The following IRX2 variants were observed in gnomAD, a reference collection of about 807,000 sequenced individuals.
IRX2 encodes the protein iroquois homeobox 2.
In IRX2, 26 loss-of-function variants were observed where a neutral mutation model predicts 42.9. That is an observed-to-expected ratio of 0.61 (90% CI 0.44 to 0.84). The LOEUF (loss-of-function observed/expected upper bound fraction) is 0.84, where lower values mean the gene tolerates loss of function less well. Ranked by LOEUF, IRX2 falls within the 40% of genes least tolerant of loss-of-function variation. The pLI, the probability that IRX2 is intolerant of heterozygous loss-of-function variation, is 0.00. For synonymous variants in IRX2, 424 were observed against 353.9 expected, an observed-to-expected ratio of 1.20 and a Z score of -2.22; for missense variants, 782 against 713.9, an observed-to-expected ratio of 1.10 and a Z score of -1.09.
Position 2,751,179 on chromosome 5 carries a change from A to T in IRX2, c.235T>A (p.Phe79Ile). Residue 79 changes from phenylalanine (F) to isoleucine (I), a missense_variant, in exon 1 of 4, where the codon TTC (phenylalanine) becomes ATC (isoleucine). Physicochemically the swap from Phe to Ile is conservative, Grantham distance 21. Transcript: ENST00000302057. The surrounding 1 kb of genome is among the most constrained non-coding windows in gnomAD (Gnocchi z 4.0). Reference protein sequence around the residue: ...SADAAAAAAGFPSYMGAPYDA... With the variant: ...SADAAAAAAGIPSYMGAPYDA... ...CGCCCGGTTACCATGTAGGACGGGA[A>T]GCCGGCGGCGGCGGCGGCGGCGTCG... is the stretch of plus-strand genomic sequence containing the variant. 1 of 1,267,622 alleles carries T rather than the reference A, an allele frequency of 7.9e-7. No individual in the cohort carries two copies. Among genetic ancestry groups the T allele is most frequent in the Non-Finnish European group, 9.9e-7 (1 of 1,008,540 alleles). 78.5% of individuals were successfully genotyped at this position (1,267,622 alleles called of 1,614,324 possible).
downstream of IRX2, among the ~76,000 whole-genome samples, chr5:2,742,821 G>C (rs1219273246): frequency 1.3e-5 from 2 of 151,918 alleles, no homozygotes; most frequent in Admixed American, 1.3e-4. Flanking sequence ...TTTCCAAATT[G>C]ATGTCTGTTT....
chr5:2,750,160 C>T (rs1406930056), intron 1 of IRX2, among the ~76,000 whole-genome samples: 2 of 152,096 alleles, frequency 1.3e-5, no homozygotes, highest in African/African-American at 2.4e-5. Context: ...GGCTGCCTCC[C>T]CCTACTCCCT....
At chr5:2,737,054 G>T in the IRX2 span, 10 of 152,214 alleles carry the variant, frequency 6.6e-5, no homozygotes, top group African/African-American at 2.2e-4. Flanking sequence ...ACAGCATGCG[G>T]TGGTGGTCTG....
downstream of IRX2, among the ~76,000 whole-genome samples, chr5:2,743,456 G>A (rs1560946197): frequency 6.6e-6 from 1 of 151,904 alleles, no homozygotes; most frequent in East Asian, 1.9e-4. Context: ...CGCGAATTCC[G>A]ATAAATCAGC....
At chr5:2,741,596 A>C (rs1737540451), downstream of IRX2, among the ~76,000 whole-genome samples, 1 of 152,230 alleles carries the variant, frequency 6.6e-6, no homozygotes, top group East Asian at 1.9e-4. Context: ...TCCCTAAAAT[A>C]ACCCAAGGTA....
rs1312092001 is a variant in IRX2 at position 2,751,128 on chromosome 5, C to A, written c.249+37G>T. ...CGCCTGAGCCCCGTCTGGGTCCCGG[C>A]GCCCAGGAGTCCCGCGTCCCGCCCG... On this transcript the variant is annotated intron_variant, in intron 1 of 3. Transcript: ENST00000302057. This position sits in a 1 kb window ranked among gnomAD's most constrained non-coding sequence, Gnocchi z 4.0. 2 of 1,218,482 alleles carry A rather than the reference C, an allele frequency of 1.6e-6. No homozygotes were observed. The highest frequency in any genetic ancestry group is 1.6e-5 in the African/African-American group (1 of 63,034). 75.5% of individuals were successfully genotyped at this position (1,218,482 alleles called of 1,614,324 possible). A position where few individuals can be genotyped will look rare whatever the true frequency, so the allele number is the denominator to read the frequency against.
the IRX2 span, among the ~76,000 whole-genome samples, chr5:2,739,958 G>A: frequency 1.3e-5 from 2 of 152,284 alleles, no homozygotes; most frequent in Non-Finnish European, 2.9e-5. Context: ...ACCAGAGCTG[G>A]GGGTGCCAGG....
chr5:2,736,462 T>C, the IRX2 span, among the ~76,000 whole-genome samples: 2 of 152,268 alleles, frequency 1.3e-5, no homozygotes. Flanking sequence ...GTCTTTAAAT[T>C]TTAATAGAAA....
At chr5:2,741,120 G>C (rs1455197032), downstream of IRX2, among the ~76,000 whole-genome samples, 2 of 152,254 alleles carry the variant, frequency 1.3e-5, no homozygotes, top group Admixed American at 1.3e-4. Context: ...GGACCGCAAC[G>C]CCGCTATTAG....
rs1005847643 is a variant in IRX2 at position 2,746,367 on chromosome 5, A to G, written c.*1197T>C. The G allele has an allele frequency of 6.6e-6, 1 of 152,200 alleles. No homozygotes were observed. Among genetic ancestry groups the G allele is most frequent in the Non-Finnish European group, 1.5e-5 (1 of 68,030 alleles). 9.4% of individuals were successfully genotyped at this position (152,200 alleles called of 1,614,324 possible). A position where few individuals can be genotyped will look rare whatever the true frequency, so the allele number is the denominator to read the frequency against. ...TTATATCATTATAAAAATAAATATC[A>G]AATTTGTTTCCACTTCTGAAGTACT... On this transcript the variant is annotated 3_prime_UTR_variant, in exon 4 of 4. Coordinates refer to ENST00000302057, the MANE Select transcript of IRX2 (RefSeq NM_033267.5).
At chr5:2,736,349 C>T in the IRX2 span, among the ~76,000 whole-genome samples, 1 of 152,188 alleles carries the variant, frequency 6.6e-6, no homozygotes, top group Non-Finnish European at 1.5e-5. Context: ...TTTCTGAGAC[C>T]TCTTTCATCT....
downstream of IRX2, among the ~76,000 whole-genome samples, chr5:2,744,155 AATCT>A (rs577686787): frequency 2.5e-4 from 38 of 151,154 alleles, no homozygotes; most frequent in East Asian, 7.1e-3. Flanking sequence ...CAGGTAAAAC[AATCT>A]TCCTCATTCC....
chr5:2,744,114 GT>G (rs1737607022), downstream of IRX2, among the ~76,000 whole-genome samples: 1 of 140,320 alleles, frequency 7.1e-6, no homozygotes, highest in South Asian at 2.4e-4. Context: ...GTGTGTGTGT[GT>G]GTGTTGAAAG....
Position 2,748,581 on chromosome 5 carries a change from G to A in IRX2, c.1127C>T (p.Pro376Leu), listed in dbSNP as rs1415210624. The A allele has an allele frequency of 3.8e-6, 6 of 1,559,154 alleles. No individual in the cohort carries two copies. Among genetic ancestry groups the A allele is most frequent in the South Asian group, 1.2e-5 (1 of 86,372 alleles). The stretch of plus-strand genomic sequence containing the variant: ...GTAGTAGAGGGGGCGGCCCAGCAGC[G>A]GCGAGGCAGGGTAGGGCGAGCCTCC... Reference protein sequence around the residue: ...PPGGSPYPASPLLGRPLYYTS... With the variant: ...PPGGSPYPASLLLGRPLYYTS... The change falls in exon 3 of 4, where the codon CCG becomes CTG. Residue 376 changes from proline to leucine, a missense_variant. Pro to Leu is a moderately conservative substitution (Grantham distance 98). Transcript: ENST00000302057.
chr5:2,740,676 G>T, the IRX2 span, among the ~76,000 whole-genome samples: 4 of 152,212 alleles, frequency 2.6e-5, no homozygotes, highest in African/African-American at 9.6e-5. Flanking sequence ...GACTCCCCAG[G>T]GAGCACGCGC....
downstream of IRX2, among the ~76,000 whole-genome samples, chr5:2,744,398 A>G (rs907942242): frequency 3.3e-5 from 5 of 152,222 alleles, no homozygotes; most frequent in African/African-American, 1.2e-4. Context: ...TAGCAGAGAC[A>G]TTGCTGCCAT....
the IRX2 span, chr5:2,736,682 A>AT: frequency 6.6e-6 from 1 of 152,314 alleles, no homozygotes; most frequent in East Asian, 1.9e-4. Flanking sequence ...GAGTGATTCT[A>AT]TTTTTTTAAA....
chr5:2,748,242 T>C, intron 3 of IRX2, 103 bp downstream of exon 3: 1 of 1,113,330 alleles, frequency 9.0e-7, no homozygotes, highest in Non-Finnish European at 1.2e-6. Flanking sequence ...AGTGGCCCCC[T>C]GGATCTTCTT....
chr5:2,744,807 A>G (rs906829402), downstream of IRX2, among the ~76,000 whole-genome samples: 37 of 152,342 alleles, frequency 2.4e-4, no homozygotes, highest in African/African-American at 8.9e-4. Flanking sequence ...AACTAACAAA[A>G]TACATAAGAA....
Sources: gnomAD v4.1 joint callset for allele counts (sites outside exome capture counted in the v4.1 genomes callset) on GRCh38, gnomAD v4.1.1 for gene constraint, Gnocchi (gnomAD v3.1) non-coding constraint, MANE v1.5 for transcripts, NCBI Gene and HGNC (gene_info 2026-07-23, HGNC 2026-07-21) for gene names.